The following HAT1 variants were observed in gnomAD, a reference collection of about 807,000 sequenced individuals.
HAT1 encodes histone acetyltransferase 1.
HAT1 carries 20 observed loss-of-function variants against 56.6 expected under a neutral mutation model. The ratio of observed to expected loss-of-function variants is 0.35; its 90% CI spans 0.25 to 0.51. The LOEUF (loss-of-function observed/expected upper bound fraction) is 0.51, where lower values mean the gene tolerates loss of function less well. HAT1 is among the 20% of genes least tolerant of loss of function. The probability of loss-of-function intolerance (pLI) is 0.95; values close to 1 mark genes in which losing one functional copy is unlikely to be tolerated. For missense variants in HAT1, 408 were observed against 504.3 expected, an observed-to-expected ratio of 0.81 and a Z score of 1.83; for synonymous variants, 146 against 165.5, an observed-to-expected ratio of 0.88 and a Z score of 0.91.
intron 1 of HAT1, chr2:171,924,068 A>C (rs988393411): frequency 6.6e-6 from 1 of 151,980 alleles, no homozygotes; most frequent in African/African-American, 2.4e-5. Context: ...AGGAATTCTC[A>C]CTCCAGACTA....
At chr2:171,970,166 TACAC>T (rs1687778876) in intron 8 of HAT1, among the ~76,000 whole-genome samples, 1 of 151,820 alleles carries the variant, frequency 6.6e-6, no homozygotes, top group African/African-American at 2.4e-5. Flanking sequence ...TCTTAAAAAA[TACAC>T]ACACACTTTG....
At chr2:171,954,371 A>G (rs965661125) in intron 4 of HAT1, among the ~76,000 whole-genome samples, 1 of 152,172 alleles carries the variant, frequency 6.6e-6, no homozygotes. Context: ...AAGTGAGTGT[A>G]TCAAAAGGGG....
intron 3 of HAT1, among the ~76,000 whole-genome samples, chr2:171,950,954 C>T (rs1277074508): frequency 6.6e-5 from 10 of 152,076 alleles, no homozygotes; most frequent in Admixed American, 6.5e-4. Flanking sequence ...GGGTTACAGG[C>T]GCCTGCCACC....
At chr2:171,927,810 A>T (rs760315054) in intron 2 of HAT1, among the ~76,000 whole-genome samples, 1 of 151,874 alleles carries the variant, frequency 6.6e-6, no homozygotes, top group African/African-American at 2.4e-5. Context: ...GTCTGTCTCA[A>T]ACTGACCAAG....
At chr2:171,966,264 T>A (rs1198858473) in intron 6 of HAT1, 145 bp from the exon 7 acceptor site, 5 of 664,396 alleles carry the variant, frequency 7.5e-6, no homozygotes, top group Admixed American at 2.3e-5. Flanking sequence ...GAATTGTACA[T>A]TCAGAACATA....
At chr2:171,945,900 C>T (rs1425010269) in intron 2 of HAT1, among the ~76,000 whole-genome samples, 2 of 152,062 alleles carry the variant, frequency 1.3e-5, no homozygotes, top group African/African-American at 4.8e-5. Context: ...GAACTCCTGA[C>T]CTCAGGTAAT....
chr2:171,938,107 GC>G (rs1189824131), intron 2 of HAT1, among the ~76,000 whole-genome samples: 4 of 146,078 alleles, frequency 2.7e-5, no homozygotes, highest in African/African-American at 1.0e-4. Context: ...AAACAATAGG[GC>G]AGGGCAGGCA....
chr2:171,950,828 G>A (rs565032769), intron 3 of HAT1, among the ~76,000 whole-genome samples: 9 of 150,698 alleles, frequency 6.0e-5, no homozygotes, highest in South Asian at 2.1e-4. Context: ...GTTTTGAGAC[G>A]TAGTTTCGCT....
intron 4 of HAT1, among the ~76,000 whole-genome samples, chr2:171,956,432 A>G (rs2105328554): frequency 6.6e-6 from 1 of 150,718 alleles, no homozygotes. Context: ...GACTGGCTTA[A>G]GCACGGGAGG....
At chr2:171,956,317 TACACGCAC>T (rs929998607) in intron 4 of HAT1, among the ~76,000 whole-genome samples, 27 of 151,334 alleles carry the variant, frequency 1.8e-4, no homozygotes, top group African/African-American at 5.1e-4. Context: ...AACCCATCTC[TACACGCAC>T]ACACGCACGC....
intron 3 of HAT1, among the ~76,000 whole-genome samples, chr2:171,951,740 G>C (rs1687314896): frequency 6.6e-6 from 1 of 151,964 alleles, no homozygotes; most frequent in Non-Finnish European, 1.5e-5. Flanking sequence ...AGACCAGTTA[G>C]TGCTTCTTAA....
intron 2 of HAT1, among the ~76,000 whole-genome samples, chr2:171,937,209 A>G (rs1036132614): frequency 3.3e-5 from 5 of 152,308 alleles, no homozygotes; most frequent in South Asian, 4.1e-4. Context: ...AGCTTTAAAA[A>G]TTGATTAAAA....
At chr2:171,979,154 C>A (rs1180175359) in intron 9 of HAT1, 93 bp from the exon 10 acceptor site, 4 of 694,618 alleles carry the variant, frequency 5.8e-6, no homozygotes, top group Non-Finnish European at 1.0e-5. Flanking sequence ...ATTCCTTGCT[C>A]ATGGCAGATA....
chr2:171,923,574 C>G (rs1043024930), intron 1 of HAT1: 8 of 152,230 alleles, frequency 5.3e-5, no homozygotes, highest in African/African-American at 1.7e-4. Flanking sequence ...CTTCGCTGGC[C>G]TTTGTTGCTT....
At chr2:171,926,299 A>C (rs113651928) in intron 2 of HAT1, among the ~76,000 whole-genome samples, 2 of 151,916 alleles carry the variant, frequency 1.3e-5, no homozygotes, top group Admixed American at 6.6e-5. Context: ...TTTTATAAAA[A>C]ATTTTTTTTT....
At chr2:171,922,927 C>G (rs148402162) in intron 1 of HAT1, 2 of 175,118 alleles carry the variant, frequency 1.1e-5, no homozygotes, top group African/African-American at 2.4e-5. Context: ...TCCAGGTCTC[C>G]GTCTACCTTC....
chr2:171,957,175 C>T (rs1163106091), intron 4 of HAT1, among the ~76,000 whole-genome samples: 1 of 152,148 alleles, frequency 6.6e-6, no homozygotes, highest in Non-Finnish European at 1.5e-5. Context: ...ATTTCACAGG[C>T]AGGAAACAGG....
chr2:171,922,493 G>A lies in HAT1; in HGVS notation c.-8G>A, dbSNP rs755017636. The A allele has an allele frequency of 6.8e-6, 9 of 1,319,702 alleles. No homozygotes were observed. Among genetic ancestry groups the A allele is most frequent in the Non-Finnish European group, 8.8e-6 (9 of 1,024,716 alleles). 81.7% of individuals were successfully genotyped at this position (1,319,702 alleles called of 1,614,324 possible). A position where few individuals can be genotyped will look rare whatever the true frequency, so the allele number is the denominator to read the frequency against. ...CCTTCCTCAGCCGCGGGTGATCGTA[G>A]CTCGGAAATGGCGGGTAAGTTACCG... On this transcript the variant is annotated 5_prime_UTR_variant, in exon 1 of 11. Coordinates refer to ENST00000264108, the MANE Select transcript of HAT1 (RefSeq NM_003642.4).
At chr2:171,931,728 T>C (rs1043891772) in intron 2 of HAT1, among the ~76,000 whole-genome samples, 2 of 152,130 alleles carry the variant, frequency 1.3e-5, no homozygotes, top group Non-Finnish European at 2.9e-5. Flanking sequence ...GCAGATTCTG[T>C]GTTTGAGGAT....
Sources: gnomAD v4.1 joint callset for allele counts (sites outside exome capture counted in the v4.1 genomes callset) on GRCh38, gnomAD v4.1.1 for gene constraint, MANE v1.5 for transcripts, NCBI Gene and HGNC (gene_info 2026-07-23, HGNC 2026-07-21) for gene names.